Variants in IGHMBP2 observed in about 807,000 individuals in gnomAD.
IGHMBP2 encodes the protein DNA-binding protein SMUBP-2.
Under a neutral mutation model 96.0 loss-of-function variants are expected in IGHMBP2, and 81 were observed. The ratio of observed to expected loss-of-function variants is 0.84; its 90% CI spans 0.71 to 1.01. The LOEUF is 1.01. Among genes scored for constraint, IGHMBP2 ranks in the 50% least tolerant of loss-of-function variants. IGHMBP2 has a pLI of 0.00. For synonymous variants in IGHMBP2, 557 were observed against 548.9 expected, an observed-to-expected ratio of 1.01 and a Z score of -0.21; for missense variants, 1,227 against 1,306.3, an observed-to-expected ratio of 0.94 and a Z score of 0.94.
intron 7 of IGHMBP2, among the ~76,000 whole-genome samples, chr11:68,920,114 A>G (rs1858825308): frequency 6.6e-6 from 1 of 152,154 alleles, no homozygotes; most frequent in South Asian, 2.1e-4. Context: ...GTTTCTAAGA[A>G]TTTTATTATT....
At chr11:68,906,834 G>T (rs903486461) in intron 2 of IGHMBP2, among the ~76,000 whole-genome samples, 1 of 151,982 alleles carries the variant, frequency 6.6e-6, no homozygotes, top group Admixed American at 6.5e-5. Context: ...TAGAGACGGG[G>T]TTTCTCCATG....
rs372629862 is a variant in IGHMBP2, at chr11:68,938,216, C to A, written c.2646C>A (p.Asp882Glu). 128 of 1,613,948 alleles carry A rather than the reference C, an allele frequency of 7.9e-5. 1 individual carries two copies. The highest frequency in any genetic ancestry group is 1.0e-4 in the Non-Finnish European group (122 of 1,180,048). The stretch of plus-strand genomic sequence containing the variant: ...CCACAGATCTGCCCACGGAGGAGGA[C>A]TTTGAGGCCCTGGTTTCTGCCGCCG... ...HPATDLPTEE[D>E]FEALVSAAVK... The change falls in exon 14 of 15, where the codon GAC (aspartate) becomes GAA (glutamate). Residue 882 changes from aspartate to glutamate, a missense_variant. Around this residue, in one of 3 missense-constraint regions of IGHMBP2, gnomAD observed 703 missense variants for 770.3 expected, o/e 0.91. Coordinates refer to ENST00000255078, the MANE Select transcript of IGHMBP2 (RefSeq NM_002180.3).
intron 6 of IGHMBP2, among the ~76,000 whole-genome samples, chr11:68,916,489 T>C (rs1244383316): frequency 6.6e-6 from 1 of 152,198 alleles, no homozygotes; most frequent in Non-Finnish European, 1.5e-5. Flanking sequence ...GTGTGCTCAC[T>C]GTCGGTACTG....
chr11:68,906,338 T>C, intron 2 of IGHMBP2, 100 bp downstream of exon 2: 1 of 1,287,666 alleles, frequency 7.8e-7, no homozygotes, highest in Non-Finnish European at 1.1e-6. Flanking sequence ...AGTTGGAGAA[T>C]AAAGCGTTGC....
At chr11:68,904,608 T>TG (rs1224779189) in intron 1 of IGHMBP2, among the ~76,000 whole-genome samples, 1 of 151,686 alleles carries the variant, frequency 6.6e-6, no homozygotes, top group African/African-American at 2.4e-5. Context: ...GGAGTTAAGC[T>TG]GGTGGGTGCG....
intron 7 of IGHMBP2, among the ~76,000 whole-genome samples, chr11:68,927,187 A>G (rs73527328): frequency 0.017 from 2,628 of 152,344 alleles, 79 homozygotes; most frequent in African/African-American, 0.058. Context: ...CAACTCTGGA[A>G]GTCAGGTTCT....
At chr11:68,925,999 C>G (rs1430225711) in intron 7 of IGHMBP2, among the ~76,000 whole-genome samples, 1 of 142,734 alleles carries the variant, frequency 7.0e-6, no homozygotes, top group African/African-American at 2.4e-5. Flanking sequence ...GGGGAGTTTT[C>G]AGCCATTATT....
At chr11:68,913,784 G>T (rs1858538645) in intron 5 of IGHMBP2, among the ~76,000 whole-genome samples, 1 of 152,168 alleles carries the variant, frequency 6.6e-6, no homozygotes, top group South Asian at 2.1e-4. Flanking sequence ...GCTGGGCATG[G>T]TGATGCATGC....
chr11:68,932,475 G>A (rs1859352286), intron 8 of IGHMBP2: 1 of 152,258 alleles, frequency 6.6e-6, no homozygotes, highest in Non-Finnish European at 1.5e-5. Flanking sequence ...GGGCAGCTGT[G>A]GGCTGGCAGC....
intron 7 of IGHMBP2, among the ~76,000 whole-genome samples, chr11:68,919,564 C>T (rs575021378): frequency 6.6e-6 from 1 of 152,314 alleles, no homozygotes; most frequent in East Asian, 1.9e-4. Flanking sequence ...GTTCCATGCA[C>T]ACTTGATAGA....
intron 7 of IGHMBP2, among the ~76,000 whole-genome samples, chr11:68,918,374 G>C (rs1858751547): frequency 6.6e-6 from 1 of 151,800 alleles, no homozygotes; most frequent in African/African-American, 2.4e-5. Flanking sequence ...AGGCGCAGTG[G>C]CTCACACCTG....
intron 6 of IGHMBP2, among the ~76,000 whole-genome samples, chr11:68,915,385 G>A (rs546214693): frequency 1.1e-4 from 16 of 151,714 alleles, no homozygotes; most frequent in Non-Finnish European, 1.9e-4. Flanking sequence ...TCATCATACT[G>A]GTCAGGCTGG....
chr11:68,927,294 G>T lies in IGHMBP2; in HGVS notation c.1061-1889G>T, dbSNP rs573310807. 2.0e-5 allele frequency among the ~76,000 whole-genome samples: 3 copies of T among 152,216 alleles called. No homozygotes were observed. In the South Asian group the frequency reaches 6.2e-4, roughly 32 times the overall value. Reference sequence around the variant, plus strand: ...AAATCTGTATTTTTTGTCTTGCGTGGCCACTAAAGTCTAATACAACTTAGT... The same window carrying T: ...AAATCTGTATTTTTTGTCTTGCGTGTCCACTAAAGTCTAATACAACTTAGT... On this transcript the variant is annotated intron_variant, in intron 7 of 14. Transcript: ENST00000255078.
chr11:68,914,398 C>T (rs1177866090), intron 5 of IGHMBP2, among the ~76,000 whole-genome samples: 1 of 152,164 alleles, frequency 6.6e-6, no homozygotes, highest in Non-Finnish European at 1.5e-5. Flanking sequence ...CCTCGCAGGG[C>T]GTGGGATGGG....
chr11:68,925,536 A>C (rs1027399646), intron 7 of IGHMBP2, among the ~76,000 whole-genome samples: 2 of 152,174 alleles, frequency 1.3e-5, no homozygotes, highest in African/African-American at 4.8e-5. Context: ...CAGAAAATAC[A>C]TTTATGGGGT....
At position 68,913,043 on chromosome 11, in the gene IGHMBP2, C is replaced by CAAAAAAAAAAAAAAAAAAAA. The variant is rs71043469; in HGVS notation, c.711+1446_711+1465dup. Among the ~76,000 whole-genome samples, 6 of 37,468 alleles carry CAAAAAAAAAAAAAAAAAAAA rather than the reference C, an allele frequency of 1.6e-4. 2 individuals carry two copies. Among genetic ancestry groups the CAAAAAAAAAAAAAAAAAAAA allele is most frequent in the Non-Finnish European group, 2.7e-4 (6 of 22,104 alleles). 24.6% of individuals were successfully genotyped at this position (37,468 alleles called of 152,430 possible). ...GGCAATAAGAGCAAAACTCCATCTCCAAAAAAAAAAAAAAAAAAAAAAAAA... is the reference window on the plus strand; with the variant it reads ...GGCAATAAGAGCAAAACTCCATCTCCAAAAAAAAAAAAAAAAAAAAAAAAAAAAAAAAAAAAAAAAAAAAA... On this transcript the variant is annotated intron_variant, in intron 5 of 14. Coordinates refer to ENST00000255078, the MANE Select transcript of IGHMBP2 (RefSeq NM_002180.3).
At position 68,934,444 on chromosome 11, in the gene IGHMBP2, C is replaced by A. The variant is rs147148090; in HGVS notation, c.1538-20C>A. On this transcript the variant is annotated intron_variant, in intron 10 of 14. Transcript: ENST00000255078. ...TTGGGGCGACCTTGTGCTGCTCACC[C>A]GTTCTTTCTTTCCCTCCAGGCGAAG... 1.9e-6 allele frequency: 3 copies of A among 1,578,032 alleles called. No individual in the cohort carries two copies. Among genetic ancestry groups the A allele is most frequent in the East Asian group, 4.6e-5 (2 of 43,648 alleles).
rs1460306757 is a variant in IGHMBP2 at position 68,911,466 on chromosome 11, C to T, written c.574C>T (p.Leu192=). 2.5e-6 allele frequency: 4 copies of T among 1,614,124 alleles called. No individual in the cohort carries two copies. The East Asian group carries it at 8.9e-5, about 36-fold the overall frequency. Reference sequence around the variant, plus strand: ...CCCGCTGACATTCTTCAACACCTGCCTGGACACCTCCCAGAAAGAAGCGGT... The same window carrying T: ...CCCGCTGACATTCTTCAACACCTGCTTGGACACCTCCCAGAAAGAAGCGGT... ...IHPLTFFNTC[L]DTSQKEAVLF... The change falls in exon 5 of 15, where the codon CTG becomes TTG. Residue 192 remains leucine, a synonymous_variant. Transcript: ENST00000255078.
chr11:68,913,286 G>T (rs542739996), intron 5 of IGHMBP2, among the ~76,000 whole-genome samples: 1 of 152,230 alleles, frequency 6.6e-6, no homozygotes, highest in South Asian at 2.1e-4. Context: ...GGTTTTAATT[G>T]GGTGCCGACT....
Sources: allele counts gnomAD v4.1 joint callset (sites outside exome capture counted in the v4.1 genomes callset), GRCh38; gene constraint gnomAD v4.1.1; regional missense constraint gnomAD v4.1.1; transcripts MANE v1.5; gene names NCBI Gene and HGNC (gene_info 2026-07-23, HGNC 2026-07-21).